The following CCR7 variants were observed in gnomAD, a reference collection of about 807,000 sequenced individuals.
CCR7 encodes the protein C-C motif chemokine receptor 7.
In CCR7, 11 loss-of-function variants were observed where a neutral mutation model predicts 26.0. That is an observed-to-expected ratio of 0.42 (90% CI 0.27 to 0.70). The LOEUF is 0.70. Among genes scored for constraint, CCR7 ranks in the 30% least tolerant of loss-of-function variants. CCR7 has a pLI of 0.23. For missense variants in CCR7, 360 were observed against 504.0 expected, an observed-to-expected ratio of 0.71 and a Z score of 2.74; for synonymous variants, 189 against 202.1, an observed-to-expected ratio of 0.94 and a Z score of 0.55.
chr17:40,560,274 T>C (rs533787665), intron 1 of CCR7, among the ~76,000 whole-genome samples: 1 of 152,328 alleles, frequency 6.6e-6, no homozygotes, highest in Admixed American at 6.5e-5. Flanking sequence ...CCCAGCTAGG[T>C]AGGGCCTGGC....
chr17:40,561,042 G>A (rs1222686605), intron 1 of CCR7: 1 of 152,198 alleles, frequency 6.6e-6, no homozygotes, highest in African/African-American at 2.4e-5. Context: ...TTTAAAACAC[G>A]TAAGTGTCTT....
intron 1 of CCR7, among the ~76,000 whole-genome samples, chr17:40,560,237 C>T (rs1469998011): frequency 6.6e-6 from 1 of 152,214 alleles, no homozygotes; most frequent in East Asian, 1.9e-4. Flanking sequence ...CGGCAGTAGC[C>T]CTCTTCCCGT....
At position 40,555,693 on chromosome 17, in the gene CCR7, A is replaced by C; in HGVS notation, c.186T>G (p.Pro62=). 1 of 1,614,164 alleles carries C rather than the reference A, an allele frequency of 6.2e-7. No homozygotes were observed. The highest frequency in any genetic ancestry group is 8.5e-7 in the Non-Finnish European group (1 of 1,180,020). Residue 62 remains proline (P), a synonymous_variant, in exon 3 of 3, where the codon CCT becomes CCG. Coordinates refer to ENST00000246657, the MANE Select transcript of CCR7 (RefSeq NM_001838.4). The surrounding 1 kb of genome is among the most constrained non-coding windows in gnomAD (Gnocchi z 5.6). ...DVRNFKAWFL[P]IMYSIICFVG... ...CGAAACAAATGATGGAGTACATGAT[A>C]GGGAGGAACCAGGCTTTAAAGTTCC... is the stretch of plus-strand genomic sequence containing the variant.
At chr17:40,564,748 C>T (rs546755525) in intron 1 of CCR7, among the ~76,000 whole-genome samples, 2 of 152,308 alleles carry the variant, frequency 1.3e-5, no homozygotes, top group African/African-American at 2.4e-5. Flanking sequence ...CTGAGTGCCC[C>T]TTGCCATCCC....
chr17:40,559,025 G>A (rs1258270171), intron 1 of CCR7, 83 bp from the exon 2 acceptor site: 2 of 1,151,732 alleles, frequency 1.7e-6, no homozygotes, highest in Admixed American at 2.1e-5. Context: ...GGGAGACGCT[G>A]TTGGGAACTT....
chr17:40,555,312 G>C lies in CCR7; in HGVS notation c.567C>G (p.Leu189=). 1.2e-6 allele frequency: 2 copies of C among 1,614,178 alleles called. No individual in the cohort carries two copies. The highest frequency in any genetic ancestry group is 8.5e-7 in the Non-Finnish European group (1 of 1,180,030). The change falls in exon 3 of 3, where the codon CTC becomes CTG. Residue 189 remains leucine, a synonymous_variant. Transcript: ENST00000246657. The surrounding 1 kb of genome is among the most constrained non-coding windows in gnomAD (Gnocchi z 5.6). ...CACTGTACAGGAGCTCTGGGATGGA[G>C]AGCACTGTGGCTAGTATCCAGATGC... The part of the protein sequence containing the change: ...CVGIWILATV[L]SIPELLYSDL...
Position 40,555,069 on chromosome 17 carries a change from C to T in CCR7, c.810G>A (p.Val270=), listed in dbSNP as rs1597721781. The change falls in exon 3 of 3, where the codon GTG becomes GTA. Residue 270 remains valine (V), a synonymous_variant. Coordinates refer to ENST00000246657, the MANE Select transcript of CCR7 (RefSeq NM_001838.4). The surrounding 1 kb of genome is among the most constrained non-coding windows in gnomAD (Gnocchi z 5.6). The part of the protein sequence containing the change: ...KAIKVIIAVV[V]VFIVFQLPYN... ...AGGGCAGCTGGAAGACTATGAAGAC[C>T]ACGACCACAGCGATGATCACCTTGA... 6.2e-7 allele frequency: 1 copy of T among 1,614,134 alleles called. No homozygotes were observed. The highest frequency in any genetic ancestry group is 2.2e-5 in the East Asian group (1 of 44,880).
Position 40,554,458 on chromosome 17 carries a change from C to G in CCR7, c.*284G>C. 2.4e-6 allele frequency: 1 copy of G among 424,376 alleles called. No homozygotes were observed. The highest frequency in any genetic ancestry group is 3.2e-5 in the South Asian group (1 of 30,910). The allele number at this position is 424,376 out of a possible 1,614,324, so 26.3% of individuals were successfully genotyped here. A position where few individuals can be genotyped will look rare whatever the true frequency, so the allele number is the denominator to read the frequency against. The stretch of plus-strand genomic sequence containing the variant: ...TCACTCCAGCAGGTGGGAACAGTTT[C>G]TGGACTTTCACTTTCAGTTTTTGGT... On this transcript the variant is annotated 3_prime_UTR_variant, in exon 3 of 3. Transcript: ENST00000246657.
intron 1 of CCR7, among the ~76,000 whole-genome samples, chr17:40,561,531 G>C (rs2036655699): frequency 6.6e-6 from 1 of 152,140 alleles, no homozygotes; most frequent in African/African-American, 2.4e-5. Flanking sequence ...TGTTTTCTGA[G>C]TTCTTGAGTT....
chr17:40,555,690 G>T lies in CCR7; in HGVS notation c.189C>A (p.Ile63=). ...VRNFKAWFLP[I]MYSIICFVGL... ...CCACGAAACAAATGATGGAGTACAT[G>T]ATAGGGAGGAACCAGGCTTTAAAGT... Residue 63 remains isoleucine (I), a synonymous_variant, in exon 3 of 3, where the codon ATC becomes ATA. Coordinates refer to ENST00000246657, the MANE Select transcript of CCR7 (RefSeq NM_001838.4). This position sits in a 1 kb window ranked among gnomAD's most constrained non-coding sequence, Gnocchi z 5.6. 6.2e-7 allele frequency: 1 copy of T among 1,614,152 alleles called. No homozygotes were observed. Among genetic ancestry groups the T allele is most frequent in the Non-Finnish European group, 8.5e-7 (1 of 1,180,030 alleles).
rs76185720 is a variant in CCR7 at position 40,560,027 on chromosome 17, G to A, written c.11-1085C>T. ...AACAGGGTCAGCTTTGGGAAGCGAC[G>A]TGTTCTGGAAGTCAGGAGGCTTCCT... On this transcript the variant is annotated intron_variant, in intron 1 of 2. Transcript: ENST00000246657. Among the ~76,000 whole-genome samples, 3 of 152,172 alleles carry A rather than the reference G, an allele frequency of 2.0e-5. No homozygotes were observed. In the East Asian group the frequency reaches 5.8e-4, roughly 29 times the overall value.
In CCR7 at chr17:40,555,964, G is replaced by C. The variant is rs780192302; in HGVS notation, c.61-146C>G. On this transcript the variant is annotated intron_variant, in intron 2 of 2. Coordinates refer to ENST00000246657, the MANE Select transcript of CCR7 (RefSeq NM_001838.4). The surrounding 1 kb of genome is among the most constrained non-coding windows in gnomAD (Gnocchi z 5.6). ...TCTGTTGCCCAGGCTGGAGTGCAGT[G>C]GTGCAATCATGGCTCCCTGCAGCCT... 8.3e-6 allele frequency: 5 copies of C among 601,038 alleles called. No individual in the cohort carries two copies. The highest frequency in any genetic ancestry group is 1.4e-5 in the Non-Finnish European group (5 of 345,332). The allele number at this position is 601,038 out of a possible 1,614,324, so 37.2% of individuals were successfully genotyped here.
At chr17:40,560,163 T>C (rs2036638348) in intron 1 of CCR7, among the ~76,000 whole-genome samples, 1 of 152,230 alleles carries the variant, frequency 6.6e-6, no homozygotes, top group Non-Finnish European at 1.5e-5. Context: ...TTCCTGAGGC[T>C]GAGCAGGGAG....
In CCR7 at chr17:40,555,263, G is replaced by T. The variant is rs1597721978; in HGVS notation, c.616C>A (p.Gln206Lys). The stretch of plus-strand genomic sequence containing the variant: ...GTGATGAGAGAGCATCGCATCGCTT[G>T]CTCACTGCTGCTCCTCTGGAGGTCA... The part of the protein sequence containing the change: ...YSDLQRSSSE[Q>K]AMRCSLITEH... Residue 206 changes from glutamine (Q) to lysine (K), a missense_variant, in exon 3 of 3, where the codon CAA becomes AAA. Transcript: ENST00000246657. This position sits in a 1 kb window ranked among gnomAD's most constrained non-coding sequence, Gnocchi z 5.6. 6.2e-7 allele frequency: 1 copy of T among 1,614,180 alleles called. No individual in the cohort carries two copies.
At chr17:40,556,652 T>G (rs2036590077) in intron 2 of CCR7, among the ~76,000 whole-genome samples, 1 of 152,188 alleles carries the variant, frequency 6.6e-6, no homozygotes. Flanking sequence ...TCCATGGAGC[T>G]TTAATTTTGC....
rs564063427 is a variant in CCR7 at position 40,558,129 on chromosome 17, C to T, written c.60+764G>A. 2.0e-5 allele frequency among the ~76,000 whole-genome samples: 3 copies of T among 152,348 alleles called. No individual in the cohort carries two copies. In the East Asian group the frequency reaches 5.8e-4, roughly 29 times the overall value. ...GGATGAGCCGAATTCTGAAGCACTG[C>T]CTCTCTAGCTCTGGCCTCAGTTGGA... On this transcript the variant is annotated intron_variant, in intron 2 of 2. Coordinates refer to ENST00000246657, the MANE Select transcript of CCR7 (RefSeq NM_001838.4).
chr17:40,563,306 A>G (rs1229612978), intron 1 of CCR7, among the ~76,000 whole-genome samples: 1 of 152,162 alleles, frequency 6.6e-6, no homozygotes, highest in African/African-American at 2.4e-5. Flanking sequence ...GGCAGGCAAG[A>G]AACTGGCCCT....
chr17:40,555,739 A>G lies in CCR7; in HGVS notation c.140T>C (p.Leu47Ser). The stretch of plus-strand genomic sequence containing the variant: ...GTTCCGCACGTCCTTCTTGGAGCAC[A>G]AAGACTCGAACAAAGTGTAGTCCAC... ...TTVDYTLFES[L>S]CSKKDVRNFK... Residue 47 changes from leucine to serine, a missense_variant, in exon 3 of 3, where the codon TTG (leucine) becomes TCG (serine). By Grantham distance (145) the Leu-to-Ser change is moderately radical. Coordinates refer to ENST00000246657, the MANE Select transcript of CCR7 (RefSeq NM_001838.4). The surrounding 1 kb of genome is among the most constrained non-coding windows in gnomAD (Gnocchi z 5.6). 6.2e-7 allele frequency: 1 copy of G among 1,614,190 alleles called. No individual in the cohort carries two copies. The highest frequency in any genetic ancestry group is 8.5e-7 in the Non-Finnish European group (1 of 1,180,036).
intron 2 of CCR7, among the ~76,000 whole-genome samples, chr17:40,556,154 C>T (rs942944885): frequency 3.9e-5 from 6 of 152,134 alleles, no homozygotes; most frequent in Admixed American, 3.3e-4. Context: ...AGGTCCGCAT[C>T]ATCAGTATCA....
Sources: gnomAD v4.1 joint callset for allele counts (sites outside exome capture counted in the v4.1 genomes callset) on GRCh38, gnomAD v4.1.1 for gene constraint, Gnocchi (gnomAD v3.1) non-coding constraint, MANE v1.5 for transcripts, NCBI Gene and HGNC (gene_info 2026-07-23, HGNC 2026-07-21) for gene names.